Variants in CORO2B observed in about 807,000 individuals in gnomAD.
CORO2B encodes the protein coronin 2B, also known as coronin-2B.
A neutral mutation model predicts 58.8 loss-of-function variants in CORO2B; 26 were observed. The observed-to-expected ratio is 0.44, with a 90% CI of 0.32 to 0.61. The LOEUF (loss-of-function observed/expected upper bound fraction) is 0.61. Ranked by LOEUF, CORO2B falls within the 20% of genes least tolerant of loss-of-function variation. The pLI is 0.04. For synonymous variants in CORO2B, 242 were observed against 253.8 expected (o/e 0.95, Z 0.44); for missense variants, 460 against 645.1 (o/e 0.71, Z 3.11).
At chr15:68,577,749 G>T (rs1207431316), upstream of CORO2B, among the ~76,000 whole-genome samples, 1 of 140,384 alleles carries the variant, frequency 7.1e-6, no homozygotes, top group Non-Finnish European at 1.5e-5. Flanking sequence ...AAAAAAAATT[G>T]CACAATGACC....
At chr15:68,655,609 A>G (rs568299493) in intron 2 of CORO2B, among the ~76,000 whole-genome samples, 1 of 152,230 alleles carries the variant, frequency 6.6e-6, no homozygotes, top group African/African-American at 2.4e-5. Flanking sequence ...CAGAGTCCAC[A>G]CTCACATCTC....
At position 68,713,962 on chromosome 15, in the gene CORO2B, T is replaced by C; in HGVS notation, c.686T>C (p.Val229Ala). 1 of 1,614,116 alleles carries C rather than the reference T, an allele frequency of 6.2e-7. No individual in the cohort carries two copies. Among genetic ancestry groups the C allele is most frequent in the South Asian group, 1.1e-5 (1 of 91,084 alleles). ...AAAAACCACAGAGTGAACCGGGTGG[T>C]GTTCCTGGGGAACATGAAGCGGCTC... ...NCKNHRVNRV[V>A]FLGNMKRLLT... The change falls in exon 6 of 12, where the codon GTG (valine) becomes GCG (alanine). Residue 229 changes from valine (V) to alanine (A), a missense_variant. Physicochemically the swap from Val to Ala is moderately conservative, Grantham distance 64. This residue lies in a region of CORO2B where 352 missense variants were observed against 543.0 expected (regional missense o/e 0.65). Coordinates refer to ENST00000261861, the MANE Select transcript of CORO2B (RefSeq NM_006091.5).
chr15:68,632,077 C>T, intron 1 of CORO2B: 3 of 985,460 alleles, frequency 3.0e-6, no homozygotes, highest in African/African-American at 1.7e-5. Context: ...CTCTCAGATG[C>T]CTGGAATTTC....
chr15:68,632,746 A>G (rs1900882118), intron 1 of CORO2B, among the ~76,000 whole-genome samples: 1 of 152,132 alleles, frequency 6.6e-6, no homozygotes, highest in Non-Finnish European at 1.5e-5. Flanking sequence ...GCGCGCTAGC[A>G]CGCTTGGCTA....
chr15:68,593,967 A>G (rs1320175313), intron 1 of CORO2B, among the ~76,000 whole-genome samples: 4 of 152,180 alleles, frequency 2.6e-5, no homozygotes, highest in Non-Finnish European at 5.9e-5. Flanking sequence ...GGGAGGAACT[A>G]GGCTAACTGG....
chr15:68,627,403 G>C (rs958929554), intron 1 of CORO2B, among the ~76,000 whole-genome samples: 2 of 152,196 alleles, frequency 1.3e-5, no homozygotes, highest in African/African-American at 4.8e-5. Context: ...TGGGTCCCCA[G>C]GAAGAAAGAG....
At chr15:68,601,891 A>G (rs1219783231) in intron 1 of CORO2B, among the ~76,000 whole-genome samples, 1 of 152,122 alleles carries the variant, frequency 6.6e-6, no homozygotes, top group Non-Finnish European at 1.5e-5. Context: ...GAAGTCCAAG[A>G]TCAAGTCATC....
the CORO2B span, among the ~76,000 whole-genome samples, chr15:68,545,557 A>G: frequency 7.0e-6 from 1 of 143,138 alleles, no homozygotes; most frequent in South Asian, 2.3e-4. Context: ...AATCTCCAGG[A>G]TCAGTCTCAG....
Position 68,717,564 on chromosome 15 carries a change from T to TTCATCC in CORO2B, c.968-1119_968-1114dup, listed in dbSNP as rs535153796. On this transcript the variant is annotated intron_variant, in intron 8 of 11. Coordinates refer to ENST00000261861, the MANE Select transcript of CORO2B (RefSeq NM_006091.5). ...GCAGGAAGGGCTCAGAATGACTCAC[T>TTCATCC]TCATCCTCATCCTCATCCTCCTCAC... Among the ~76,000 whole-genome samples, 150 of 152,290 alleles carry TTCATCC rather than the reference T, an allele frequency of 9.8e-4. 1 individual carries two copies. Among genetic ancestry groups the TTCATCC allele is most frequent in the African/African-American group, 3.5e-3 (146 of 41,548 alleles).
the CORO2B span, among the ~76,000 whole-genome samples, chr15:68,544,312 T>C: frequency 6.6e-6 from 1 of 152,208 alleles, no homozygotes; most frequent in African/African-American, 2.4e-5. Flanking sequence ...TGTGTGTGCA[T>C]GGGTGTGTGA....
At chr15:68,691,624 C>CAAAAAAAAAAAAAAAA (rs57879519) in intron 2 of CORO2B, among the ~76,000 whole-genome samples, 7 of 25,756 alleles carry the variant, frequency 2.7e-4, no homozygotes, top group Admixed American at 1.0e-3. Context: ...GACTCCGTCT[C>CAAAAAAAAAAAAAAAA]AAAAAAAAAA....
intron 2 of CORO2B, among the ~76,000 whole-genome samples, chr15:68,654,806 G>A (rs1901752709): frequency 1.3e-5 from 2 of 152,226 alleles, no homozygotes; most frequent in Non-Finnish European, 1.5e-5. Context: ...CCTAGCAATA[G>A]CCTGTTAGCT....
the CORO2B span, among the ~76,000 whole-genome samples, chr15:68,526,877 CT>C: frequency 6.6e-6 from 1 of 152,232 alleles, no homozygotes; most frequent in South Asian, 2.1e-4. Flanking sequence ...TGTTGAAGCT[CT>C]AACCTCCAGT....
chr15:68,588,096 A>G (rs1429114496), intron 1 of CORO2B, among the ~76,000 whole-genome samples: 1 of 152,200 alleles, frequency 6.6e-6, no homozygotes, highest in African/African-American at 2.4e-5. Flanking sequence ...TGCTTTGTAG[A>G]TGTCATGGCA....
intron 1 of CORO2B, among the ~76,000 whole-genome samples, chr15:68,625,655 A>C (rs1004195301): frequency 6.6e-6 from 1 of 151,896 alleles, no homozygotes; most frequent in Admixed American, 6.6e-5. Context: ...CCCAGGCTAG[A>C]GTGCAGTGGT....
At chr15:68,699,212 T>G (rs904005038) in intron 3 of CORO2B, among the ~76,000 whole-genome samples, 1 of 152,074 alleles carries the variant, frequency 6.6e-6, no homozygotes, top group African/African-American at 2.4e-5. Flanking sequence ...CGAAGGGCAG[T>G]TGGACCCAAG....
At chr15:68,576,584 G>A (rs1001792654), upstream of CORO2B, among the ~76,000 whole-genome samples, 2 of 152,156 alleles carry the variant, frequency 1.3e-5, no homozygotes, top group African/African-American at 4.8e-5. Flanking sequence ...CATGGGTGCA[G>A]GGTGACTGGT....
intron 11 of CORO2B, among the ~76,000 whole-genome samples, chr15:68,722,347 C>T (rs1031323756): frequency 1.3e-5 from 2 of 152,216 alleles, no homozygotes; most frequent in Non-Finnish European, 2.9e-5. Context: ...TCAAAGCCTG[C>T]TGACTCTGCC....
At chr15:68,652,694 G>A (rs960738460) in intron 2 of CORO2B, among the ~76,000 whole-genome samples, 14 of 152,158 alleles carry the variant, frequency 9.2e-5, no homozygotes, top group Admixed American at 3.9e-4. Flanking sequence ...TAACATACCT[G>A]CTCTGTTTGA....
Sources: allele counts gnomAD v4.1 joint callset (sites outside exome capture counted in the v4.1 genomes callset), GRCh38; gene constraint gnomAD v4.1.1; regional missense constraint gnomAD v4.1.1; transcripts MANE v1.5; gene names NCBI Gene and HGNC (gene_info 2026-07-23, HGNC 2026-07-21).